Variants in LOXHD1 observed in about 807,000 individuals in gnomAD.
The protein encoded by LOXHD1 is lipoxygenase homology domain-containing protein 1.
Under a neutral mutation model 248.2 loss-of-function variants are expected in LOXHD1, and 205 were observed. The observed-to-expected ratio is 0.83, with a 90% CI of 0.74 to 0.93. LOXHD1 has a LOEUF of 0.93. LOXHD1 is among the 40% of genes least tolerant of loss of function. LOXHD1 has a pLI of 0.00. For missense variants in LOXHD1, 2,930 were observed against 2,971.6 expected (o/e 0.99, Z 0.33); for synonymous variants, 1,113 against 1,162.8 (o/e 0.96, Z 0.87).
intron 6 of LOXHD1, among the ~76,000 whole-genome samples, chr18:46,604,505 A>T (rs2038385060): frequency 6.6e-6 from 1 of 152,196 alleles, no homozygotes; most frequent in African/African-American, 2.4e-5. Flanking sequence ...TTGAAGCAAA[A>T]AATTTGGCAG....
At chr18:46,544,921 C>T (rs2036731558) in intron 23 of LOXHD1, 1 of 475,124 alleles carries the variant, frequency 2.1e-6, no homozygotes, top group Non-Finnish European at 4.4e-6. Flanking sequence ...AATGGCTGGA[C>T]AGTGGCGTGA....
intron 8 of LOXHD1, among the ~76,000 whole-genome samples, chr18:46,596,604 A>G (rs1432910577): frequency 3.3e-5 from 5 of 152,210 alleles, no homozygotes; most frequent in Non-Finnish European, 5.9e-5. Flanking sequence ...AGAGAAGCCT[A>G]CCTTTTTTGT....
At chr18:46,493,264 A>C (rs1055122650) in intron 37 of LOXHD1, among the ~76,000 whole-genome samples, 1 of 152,242 alleles carries the variant, frequency 6.6e-6, no homozygotes, top group African/African-American at 2.4e-5. Context: ...ATGTCAGATC[A>C]AATATTCTGT....
intron 21 of LOXHD1, chr18:46,556,866 G>T: frequency 5.4e-6 from 1 of 185,864 alleles, no homozygotes; most frequent in Non-Finnish European, 1.0e-5. Context: ...ACCCTGTGAC[G>T]TCACAGCCAC....
At chr18:46,641,697 C>A (rs183113571) in intron 3 of LOXHD1, among the ~76,000 whole-genome samples, 62 of 152,310 alleles carry the variant, frequency 4.1e-4, no homozygotes, top group Non-Finnish European at 1.6e-4. Context: ...CTGCCCCTAA[C>A]CACTATGCTA....
At chr18:46,628,961 C>T (rs1272158102) in intron 4 of LOXHD1, among the ~76,000 whole-genome samples, 9 of 152,126 alleles carry the variant, frequency 5.9e-5, no homozygotes, top group African/African-American at 1.4e-4. Context: ...GTCCAGAGAC[C>T]GAGTCCATGG....
intron 21 of LOXHD1, among the ~76,000 whole-genome samples, chr18:46,553,524 T>A (rs1211336550): frequency 2.0e-5 from 3 of 152,260 alleles, no homozygotes; most frequent in African/African-American, 7.2e-5. Context: ...GTTTGTCAAA[T>A]TAATGAATAA....
At chr18:46,538,391 A>G in intron 25 of LOXHD1, 54 bp from the exon 26 acceptor site, 1 of 1,506,422 alleles carries the variant, frequency 6.6e-7, no homozygotes, top group Non-Finnish European at 9.0e-7. Flanking sequence ...ACAGAAAACA[A>G]ACATGGTGAG....
chr18:46,592,960 C>G (rs1354207585), intron 10 of LOXHD1, among the ~76,000 whole-genome samples: 1 of 152,174 alleles, frequency 6.6e-6, no homozygotes, highest in Non-Finnish European at 1.5e-5. Flanking sequence ...GGCAGTGAAA[C>G]AGACAAAAAG....
intron 28 of LOXHD1, among the ~76,000 whole-genome samples, chr18:46,531,409 C>T (rs1490019718): frequency 6.6e-6 from 1 of 152,086 alleles, no homozygotes; most frequent in African/African-American, 2.4e-5. Context: ...ACGGTCTCCC[C>T]CCTCATTTTC....
chr18:46,518,380 C>T, intron 33 of LOXHD1, 124 bp from the exon 34 acceptor site: 1 of 1,215,112 alleles, frequency 8.2e-7, no homozygotes, highest in Non-Finnish European at 1.1e-6. Context: ...AAGAGCCCTT[C>T]CTCAAATCAA....
At chr18:46,571,847 C>T (rs995206129) in intron 15 of LOXHD1, among the ~76,000 whole-genome samples, 4 of 152,196 alleles carry the variant, frequency 2.6e-5, no homozygotes, top group Admixed American at 6.5e-5. Flanking sequence ...AGCATTACTG[C>T]TCATCACTCT....
In LOXHD1 at chr18:46,610,825, T is replaced by A. The variant is rs539278802; in HGVS notation, c.710A>T (p.Asn237Ile). Residue 237 changes from asparagine (N) to isoleucine (I), a missense_variant, in exon 6 of 41, where the codon AAT becomes ATT. Transcript: ENST00000642948. ...GCCCCCCTTATTGTTGTGGCCAACA[T>A]TGATCTTCATCAGCTGCCCCAAATC... ...APDLGQLMKI[N>I]VGHNNKGGSA... The A allele has an allele frequency of 1.6e-5, 25 of 1,551,752 alleles. No individual in the cohort carries two copies. In the East Asian group the frequency reaches 5.4e-4, roughly 33 times the overall value.
At chr18:46,581,823 A>G (rs1486374554) in intron 12 of LOXHD1, among the ~76,000 whole-genome samples, 1 of 152,220 alleles carries the variant, frequency 6.6e-6, no homozygotes, top group Non-Finnish European at 1.5e-5. Context: ...TATTCATCAC[A>G]TATAAGGGAT....
chr18:46,514,873 T>A (rs2035163561), intron 34 of LOXHD1, among the ~76,000 whole-genome samples: 1 of 152,208 alleles, frequency 6.6e-6, no homozygotes, highest in Admixed American at 6.5e-5. Context: ...CACAATTCTT[T>A]GTCTAAAAAT....
intron 29 of LOXHD1, among the ~76,000 whole-genome samples, chr18:46,525,672 G>A (rs1471808024): frequency 1.3e-5 from 2 of 152,198 alleles, no homozygotes; most frequent in African/African-American, 4.8e-5. Flanking sequence ...GGCCAAGACA[G>A]AGTTTGAATG....
At chr18:46,635,938 G>T (rs2144367303) in intron 4 of LOXHD1, among the ~76,000 whole-genome samples, 1 of 152,286 alleles carries the variant, frequency 6.6e-6, no homozygotes, top group East Asian at 1.9e-4. Flanking sequence ...CCCAGCAATA[G>T]ATCCCCGAGT....
At chr18:46,537,348 T>C (rs1290587267) in intron 26 of LOXHD1, among the ~76,000 whole-genome samples, 2 of 152,196 alleles carry the variant, frequency 1.3e-5, no homozygotes, top group African/African-American at 4.8e-5. Flanking sequence ...CAGGGACAAT[T>C]ATAGCACAGA....
At chr18:46,557,270 C>T (rs1421465407) in intron 21 of LOXHD1, 86 bp downstream of exon 21, 2 of 1,516,672 alleles carry the variant, frequency 1.3e-6, no homozygotes, top group East Asian at 2.5e-5. Context: ...CCGGCCCACC[C>T]CCAGTCTTCT....
Sources: allele counts gnomAD v4.1 joint callset (sites outside exome capture counted in the v4.1 genomes callset), GRCh38; gene constraint gnomAD v4.1.1; transcripts MANE v1.5; gene names NCBI Gene and HGNC (gene_info 2026-07-23, HGNC 2026-07-21).